The following RALYL variants were observed in gnomAD, a reference collection of about 807,000 sequenced individuals.
The protein encoded by RALYL is RALY RNA binding protein like.
A neutral mutation model predicts 35.1 loss-of-function variants in RALYL; 29 were observed. The ratio of observed to expected loss-of-function variants is 0.83; its 90% confidence interval spans 0.61 to 1.13. The LOEUF (loss-of-function observed/expected upper bound fraction) is 1.13. Ranked by LOEUF, RALYL falls within the 50% of genes most tolerant of loss-of-function variation. The pLI is 0.00. For synonymous variants in RALYL, 120 were observed against 127.6 expected (o/e 0.94, Z 0.40); for missense variants, 359 against 360.4 (o/e 1.00, Z 0.03).
chr8:84,576,836 C>T (rs971426241), intron 2 of RALYL, among the ~76,000 whole-genome samples: 1 of 152,206 alleles, frequency 6.6e-6, no homozygotes, highest in East Asian at 1.9e-4. Context: ...ACCTCCCTGG[C>T]TTCTGAAGAC....
chr8:84,293,803 A>G (rs1291810764), intron 1 of RALYL, among the ~76,000 whole-genome samples: 1 of 152,128 alleles, frequency 6.6e-6, no homozygotes, highest in Non-Finnish European at 1.5e-5. Flanking sequence ...ACCTTTTAGG[A>G]TAAGTGTTGG....
chr8:84,600,573 T>C (rs1564212341), intron 2 of RALYL, among the ~76,000 whole-genome samples: 2 of 152,134 alleles, frequency 1.3e-5, no homozygotes, highest in South Asian at 4.1e-4. Context: ...AGGATCCCCA[T>C]AGCTGACATT....
chr8:84,710,963 A>G (rs1242666586), intron 2 of RALYL, among the ~76,000 whole-genome samples: 1 of 152,146 alleles, frequency 6.6e-6, no homozygotes, highest in East Asian at 1.9e-4. Flanking sequence ...AGTAAGGGAG[A>G]AATGGAGTTT....
At chr8:84,660,172 A>T (rs1830642723) in intron 2 of RALYL, among the ~76,000 whole-genome samples, 1 of 152,144 alleles carries the variant, frequency 6.6e-6, no homozygotes, top group Non-Finnish European at 1.5e-5. Flanking sequence ...TATTGAAGAA[A>T]AGATATTTGT....
At chr8:84,725,006 A>G (rs1844671256) in intron 2 of RALYL, among the ~76,000 whole-genome samples, 1 of 151,640 alleles carries the variant, frequency 6.6e-6, no homozygotes, top group Admixed American at 6.6e-5. Flanking sequence ...TGTGCTATCA[A>G]CCTGCTGTTT....
At position 84,887,648 on chromosome 8, in the gene RALYL, G is replaced by T. The variant is rs763954508; in HGVS notation, c.730G>T (p.Glu244Ter). ...GGAAGAGAGTCTAGTGCTGATCCAA[G>T]AGGAATGTGTGTCAGAGATTGCAGA... ...QLEESLVLIQEECVSEIADHS... is the reference protein window; with the variant it reads ...QLEESLVLIQ The change falls in exon 8 of 9, where the codon GAG becomes TAG. Residue 244 changes from glutamate (E) to a stop codon, truncating the protein, a stop_gained. Transcript: ENST00000521268. LOFTEE classifies it high-confidence loss of function. The T allele has an allele frequency of 1.9e-6, 3 of 1,613,574 alleles. No individual in the cohort carries two copies. The highest frequency in any genetic ancestry group is 2.5e-6 in the Non-Finnish European group (3 of 1,179,710).
At chr8:84,695,340 C>A (rs1270603238) in intron 2 of RALYL, among the ~76,000 whole-genome samples, 1 of 151,678 alleles carries the variant, frequency 6.6e-6, no homozygotes, top group Admixed American at 6.6e-5. Flanking sequence ...CTGAAAATTT[C>A]CAAAATGTCA....
chr8:84,438,431 C>T (rs532944332), intron 1 of RALYL, among the ~76,000 whole-genome samples: 12 of 152,238 alleles, frequency 7.9e-5, no homozygotes, highest in South Asian at 2.1e-4. Flanking sequence ...CTCTGTTGCT[C>T]GTGCTGGAGG....
chr8:84,312,387 A>G (rs1010389055), intron 1 of RALYL, among the ~76,000 whole-genome samples: 1 of 152,156 alleles, frequency 6.6e-6, no homozygotes, highest in Non-Finnish European at 1.5e-5. Flanking sequence ...TGCCTTCCCA[A>G]CAGTCCCCCA....
At chr8:84,529,942 A>G (rs372040359) in intron 2 of RALYL, among the ~76,000 whole-genome samples, 2 of 152,130 alleles carry the variant, frequency 1.3e-5, no homozygotes, top group African/African-American at 2.4e-5. Context: ...TACTTATAGC[A>G]TTTGATCTGA....
At chr8:84,519,248 A>G (rs2134621084) in intron 1 of RALYL, among the ~76,000 whole-genome samples, 1 of 152,334 alleles carries the variant, frequency 6.6e-6, no homozygotes, top group African/African-American at 2.4e-5. Context: ...AGGGAAATTT[A>G]GCTGGAGTTT....
intron 2 of RALYL, among the ~76,000 whole-genome samples, chr8:84,590,322 A>G (rs1812955038): frequency 6.6e-6 from 1 of 152,210 alleles, no homozygotes; most frequent in African/African-American, 2.4e-5. Context: ...AGGATATCTC[A>G]TGATCATAAA....
chr8:84,229,313 C>T (rs914562057), intron 1 of RALYL, among the ~76,000 whole-genome samples: 1 of 152,132 alleles, frequency 6.6e-6, no homozygotes, highest in African/African-American at 2.4e-5. Flanking sequence ...ATAAGAAACA[C>T]AAGCAAGATT....
At position 84,372,395 on chromosome 8, in the gene RALYL, G is replaced by A. The variant is rs369196291; in HGVS notation, c.-23-156904G>A. Among the ~76,000 whole-genome samples the A allele has an allele frequency of 1.3e-4, 20 of 152,048 alleles. 2 individuals carry two copies. The South Asian group carries it at 3.3e-3, about 25-fold the overall frequency. ...AATGTATCATAAAGCAACAAGAATA[G>A]TTCAAAATCTATTCTGCATGTGGTA... On this transcript the variant is annotated intron_variant, in intron 1 of 8. Coordinates refer to ENST00000521268, the MANE Select transcript of RALYL (RefSeq NM_173848.7).
chr8:84,411,960 T>C (rs1171111997), intron 1 of RALYL, among the ~76,000 whole-genome samples: 1 of 151,878 alleles, frequency 6.6e-6, no homozygotes, highest in African/African-American at 2.4e-5. Context: ...TTTAAAAAAA[T>C]TATCTCTAGT....
chr8:84,735,811 C>CGAGG (rs1847174911), intron 2 of RALYL, among the ~76,000 whole-genome samples: 1 of 111,310 alleles, frequency 9.0e-6, no homozygotes, highest in African/African-American at 3.1e-5. Context: ...ATCCAAACCG[C>CGAGG]GAGAGAGAGA....
intron 1 of RALYL, among the ~76,000 whole-genome samples, chr8:84,424,834 TG>T (rs1195083861): frequency 6.6e-6 from 1 of 151,974 alleles, no homozygotes; most frequent in Non-Finnish European, 1.5e-5. Context: ...GTGCCCCTGC[TG>T]GGGGGTGCCT....
chr8:84,341,793 G>A (rs1487864025), intron 1 of RALYL, among the ~76,000 whole-genome samples: 1 of 151,894 alleles, frequency 6.6e-6, no homozygotes, highest in East Asian at 1.9e-4. Context: ...CCATTGTACA[G>A]ATACATTTCA....
chr8:84,825,991 T>C (rs1345293372), intron 4 of RALYL, among the ~76,000 whole-genome samples: 2 of 152,150 alleles, frequency 1.3e-5, no homozygotes, highest in Non-Finnish European at 2.9e-5. Flanking sequence ...AATAAAATTA[T>C]GTCCTTTGCA....
Sources: gnomAD v4.1 joint callset for allele counts (sites outside exome capture counted in the v4.1 genomes callset) on GRCh38, gnomAD v4.1.1 for gene constraint, MANE v1.5 for transcripts, NCBI Gene and HGNC (gene_info 2026-07-23, HGNC 2026-07-21) for gene names.